VWC2: variants seen among roughly 807,000 people sequenced by gnomAD.
The protein encoded by VWC2 is von Willebrand factor C domain containing 2, also known as brorin.
A neutral mutation model predicts 29.8 loss-of-function variants in VWC2; 14 were observed. The ratio of observed to expected loss-of-function variants is 0.47; its 90% confidence interval spans 0.31 to 0.74. The LOEUF is 0.74. Among genes scored for constraint, VWC2 ranks in the 30% least tolerant of loss-of-function variants. The pLI is 0.05. For synonymous variants in VWC2, 213 were observed against 199.0 expected (o/e 1.07, Z -0.59); for missense variants, 457 against 459.8 (o/e 0.99, Z 0.05).
chr7:49,877,481 A>AAAAAATATACATATATATATATATATAT lies in VWC2; in HGVS notation c.827-34552_827-34551insAAAATATACATATATATATATATATATA. 6.8e-3 allele frequency among the ~76,000 whole-genome samples: 86 copies of AAAAAATATACATATATATATATATATAT among 12,722 alleles called. 29 individuals carry two copies. Among genetic ancestry groups the AAAAAATATACATATATATATATATATAT allele is most frequent in the Non-Finnish European group, 0.01 (70 of 6,948 alleles). The allele number at this position is 12,722 out of a possible 152,430, so 8.3% of individuals were successfully genotyped here. ...CTGTCTCAAAAAAAAAAAAAAAAAA[A>AAAAAATATACATATATATATATATATAT]ATATATATATATATATATATATATA... On this transcript the variant is annotated intron_variant, in intron 3 of 3. Transcript: ENST00000340652.
Position 49,915,399 on chromosome 7 carries a change from G to A in VWC2, c.*3214G>A, listed in dbSNP as rs1793660670. On this transcript the variant is annotated 3_prime_UTR_variant, in exon 4 of 4. Coordinates refer to ENST00000340652, the MANE Select transcript of VWC2 (RefSeq NM_198570.5). ...AGAATTTCATCACCTGCTTTGTGCA[G>A]TAAAACATGCTAAGAAGAATTATCA... 1 of 152,128 alleles carries A rather than the reference G, an allele frequency of 6.6e-6. No homozygotes were observed. The highest frequency in any genetic ancestry group is 2.4e-5 in the African/African-American group (1 of 41,418). The allele number at this position is 152,128 out of a possible 1,614,324, so 9.4% of individuals were successfully genotyped here.
intron 3 of VWC2, among the ~76,000 whole-genome samples, chr7:49,897,191 G>A (rs575738560): frequency 7.8e-4 from 119 of 152,202 alleles, no homozygotes; most frequent in African/African-American, 2.6e-3. Context: ...CACCGCGCCC[G>A]GCCGGATTGA....
At chr7:49,904,510 A>G (rs1052297165) in intron 3 of VWC2, among the ~76,000 whole-genome samples, 4 of 152,214 alleles carry the variant, frequency 2.6e-5, no homozygotes, top group African/African-American at 9.6e-5. Context: ...CAATCTCACA[A>G]CTTGATTGAT....
At chr7:49,797,805 T>C (rs944658185) in intron 2 of VWC2, among the ~76,000 whole-genome samples, 19 of 152,276 alleles carry the variant, frequency 1.2e-4, no homozygotes, top group African/African-American at 4.1e-4. Flanking sequence ...TGGCACACAA[T>C]AGGGGCCTTG....
intron 2 of VWC2, among the ~76,000 whole-genome samples, chr7:49,785,353 A>T (rs1379847819): frequency 1.3e-5 from 2 of 152,212 alleles, no homozygotes; most frequent in Admixed American, 6.5e-5. Flanking sequence ...ATTGTAGAGA[A>T]TGGGAGAAAT....
At chr7:49,783,718 G>T (rs1788229346) in intron 2 of VWC2, among the ~76,000 whole-genome samples, 1 of 152,180 alleles carries the variant, frequency 6.6e-6, no homozygotes, top group African/African-American at 2.4e-5. Flanking sequence ...AGTTCTCTCA[G>T]AAGCCTTAGG....
chr7:49,885,361 A>C (rs1026431615), intron 3 of VWC2, among the ~76,000 whole-genome samples: 11 of 152,266 alleles, frequency 7.2e-5, no homozygotes, highest in African/African-American at 2.4e-4. Flanking sequence ...AATATCTCTG[A>C]AAGTAAAACT....
At position 49,775,879 on chromosome 7, in the gene VWC2, G is replaced by A. The variant is rs367860731; in HGVS notation, c.444G>A (p.Pro148=). The A allele has an allele frequency of 4.0e-4, 620 of 1,557,816 alleles. No individual in the cohort carries two copies. Among genetic ancestry groups the A allele is most frequent in the Non-Finnish European group, 5.1e-4 (583 of 1,151,666 alleles). ...TPEPPEEYVY[P]DYRGKGCVDE... ...AGCCACCCGAGGAGTACGTGTACCCGGACTACCGTGGCAAGGGCTGCGTGG... is the reference window on the plus strand; with the variant it reads ...AGCCACCCGAGGAGTACGTGTACCCAGACTACCGTGGCAAGGGCTGCGTGG... Residue 148 remains proline, a synonymous_variant, in exon 2 of 4, where the codon CCG becomes CCA. Transcript: ENST00000340652.
intron 2 of VWC2, among the ~76,000 whole-genome samples, chr7:49,802,321 G>A (rs1188486572): frequency 2.0e-5 from 3 of 151,552 alleles, no homozygotes; most frequent in Non-Finnish European, 4.4e-5. Flanking sequence ...ACACTTAGGT[G>A]TCTTCGCAGA....
rs974234368 is a variant in VWC2 at position 49,775,958 on chromosome 7, G to A, written c.523G>A (p.Ala175Thr). 1.3e-6 allele frequency: 2 copies of A among 1,549,424 alleles called. No individual in the cohort carries two copies. The highest frequency in any genetic ancestry group is 2.4e-5 in the East Asian group (1 of 41,336). ...IGEKFAPGPS[A>T]CPCLCTEEGP... is the part of the protein sequence containing the mutation. ...GGAGAAGTTCGCGCCGGGCCCCTCGGCCTGCCCGTGCCTGTGCACCGAGGA... is the reference window on the plus strand; with the variant it reads ...GGAGAAGTTCGCGCCGGGCCCCTCGACCTGCCCGTGCCTGTGCACCGAGGA... Residue 175 changes from alanine (A) to threonine (T), a missense_variant, in exon 2 of 4, where the codon GCC becomes ACC. Coordinates refer to ENST00000340652, the MANE Select transcript of VWC2 (RefSeq NM_198570.5).
chr7:49,824,410 C>T (rs548789153), intron 3 of VWC2, among the ~76,000 whole-genome samples: 34 of 152,282 alleles, frequency 2.2e-4, no homozygotes, highest in African/African-American at 7.7e-4. Context: ...TTTTTCCAAA[C>T]CATTTATTCT....
At chr7:49,872,090 GT>G (rs1791183758) in intron 3 of VWC2, among the ~76,000 whole-genome samples, 1 of 151,804 alleles carries the variant, frequency 6.6e-6, no homozygotes, top group South Asian at 2.1e-4. Context: ...TTAAAGAACA[GT>G]ATACTATGAA....
At chr7:49,870,948 C>A (rs757329821) in intron 3 of VWC2, among the ~76,000 whole-genome samples, 1 of 152,168 alleles carries the variant, frequency 6.6e-6, no homozygotes, top group Admixed American at 6.5e-5. Flanking sequence ...ATGATAAACT[C>A]TCTTAGAAGA....
At chr7:49,864,486 G>A (rs956464906) in intron 3 of VWC2, among the ~76,000 whole-genome samples, 9 of 152,140 alleles carry the variant, frequency 5.9e-5, no homozygotes, top group Non-Finnish European at 2.9e-5. Context: ...TAGAATGCCC[G>A]AATATCCCAA....
At chr7:49,875,103 G>A in intron 3 of VWC2, among the ~76,000 whole-genome samples, 1 of 151,866 alleles carries the variant, frequency 6.6e-6, no homozygotes, top group East Asian at 1.9e-4. Flanking sequence ...CGGGCACGGT[G>A]GCTCATGCCT....
intron 3 of VWC2, among the ~76,000 whole-genome samples, chr7:49,893,527 C>T (rs1320048831): frequency 2.0e-5 from 3 of 151,976 alleles, no homozygotes; most frequent in African/African-American, 7.3e-5. Flanking sequence ...TGTACTAGGT[C>T]CTTACTAGGA....
intron 3 of VWC2, among the ~76,000 whole-genome samples, chr7:49,857,695 G>A (rs1202451344): frequency 6.6e-6 from 1 of 152,016 alleles, no homozygotes; most frequent in Non-Finnish European, 1.5e-5. Context: ...TGTGACTCTT[G>A]GTGGGAATGC....
chr7:49,816,064 A>G (rs1789136000), intron 3 of VWC2, among the ~76,000 whole-genome samples: 1 of 152,128 alleles, frequency 6.6e-6, no homozygotes, highest in Non-Finnish European at 1.5e-5. Context: ...TGGGCACAGC[A>G]TATGTCCAGA....
chr7:49,826,791 A>T (rs1189296742), intron 3 of VWC2, among the ~76,000 whole-genome samples: 1 of 152,180 alleles, frequency 6.6e-6, no homozygotes, highest in Non-Finnish European at 1.5e-5. Context: ...AATGTTTGAA[A>T]ATATTATCAC....
Sources: gnomAD v4.1 joint callset for allele counts (sites outside exome capture counted in the v4.1 genomes callset) on GRCh38, gnomAD v4.1.1 for gene constraint, MANE v1.5 for transcripts, NCBI Gene and HGNC (gene_info 2026-07-23, HGNC 2026-07-21) for gene names.